GPBP1L1: variants seen among roughly 807,000 people sequenced by gnomAD.
GPBP1L1 encodes the protein GC-rich promoter binding protein 1 like 1, also known as vasculin-like protein 1.
Under a neutral mutation model 52.5 loss-of-function variants are expected in GPBP1L1, and 23 were observed. The ratio of observed to expected loss-of-function variants is 0.44; its 90% CI spans 0.32 to 0.62. The LOEUF is 0.62. GPBP1L1 is among the 20% of genes least tolerant of loss of function. The probability of loss-of-function intolerance (pLI) is 0.06; values close to 1 mark genes in which losing one functional copy is unlikely to be tolerated. For synonymous variants in GPBP1L1, 243 were observed against 203.1 expected (o/e 1.20, Z -1.67); for missense variants, 596 against 579.3 (o/e 1.03, Z -0.30).
chr1:45,664,281 A>G (rs563963859), intron 2 of GPBP1L1, among the ~76,000 whole-genome samples: 1 of 148,858 alleles, frequency 6.7e-6, no homozygotes, highest in Non-Finnish European at 1.5e-5. Context: ...GATCGTTGCC[A>G]CTGCACTCCA....
At chr1:45,642,304 G>A (rs1644684576) in intron 7 of GPBP1L1, 123 bp downstream of exon 7, 1 of 713,332 alleles carries the variant, frequency 1.4e-6, no homozygotes, top group South Asian at 1.7e-5. Context: ...TCAGATGTTA[G>A]TTACCATGGG....
chr1:45,630,469 C>A lies in GPBP1L1; in HGVS notation c.1169+13G>T, dbSNP rs376227602. ...TCAGACACTGCATGCCCTGTGATGT[C>A]CTCCTCACTTACCTGTGCTCTGCTT... On this transcript the variant is annotated intron_variant, in intron 11 of 12. Transcript: ENST00000355105. 62 of 1,613,270 alleles carry A rather than the reference C, an allele frequency of 3.8e-5. No individual in the cohort carries two copies. Among genetic ancestry groups the A allele is most frequent in the Non-Finnish European group, 5.2e-5 (61 of 1,179,572 alleles).
chr1:45,673,303 G>A (rs1405642479), intron 2 of GPBP1L1, among the ~76,000 whole-genome samples: 1 of 152,194 alleles, frequency 6.6e-6, no homozygotes, highest in Non-Finnish European at 1.5e-5. Flanking sequence ...GTATGGGTAG[G>A]TGCAGAGGAG....
intron 10 of GPBP1L1, among the ~76,000 whole-genome samples, chr1:45,632,899 A>G (rs1644548370): frequency 6.6e-6 from 1 of 152,212 alleles, no homozygotes; most frequent in African/African-American, 2.4e-5. Flanking sequence ...GAACAAACAC[A>G]TCAACAAAGA....
At chr1:45,656,937 C>T (rs1420958411) in intron 4 of GPBP1L1, among the ~76,000 whole-genome samples, 1 of 152,130 alleles carries the variant, frequency 6.6e-6, no homozygotes, top group Non-Finnish European at 1.5e-5. Flanking sequence ...CCTTCTGCCT[C>T]AGCCTCTCAA....
At chr1:45,651,856 T>C in intron 6 of GPBP1L1, 2 of 233,242 alleles carry the variant, frequency 8.6e-6, no homozygotes, top group Non-Finnish European at 1.7e-5. Context: ...AGAAATCTTA[T>C]TTTTGACTCT....
chr1:45,660,028 T>C (rs1644930276), intron 3 of GPBP1L1, among the ~76,000 whole-genome samples, 156 bp downstream of exon 3: 1 of 152,196 alleles, frequency 6.6e-6, no homozygotes, highest in Admixed American at 6.5e-5. Context: ...TTTCTTCAAA[T>C]ACCAACTAGC....
At chr1:45,660,119 G>C in intron 3 of GPBP1L1, 65 bp downstream of exon 3, 1 of 887,812 alleles carries the variant, frequency 1.1e-6, no homozygotes, top group Non-Finnish European at 1.3e-6. Flanking sequence ...GAAAGCAGTC[G>C]GTATTTTTCA....
intron 4 of GPBP1L1, 33 bp downstream of exon 4, chr1:45,658,995 T>G: frequency 7.0e-7 from 1 of 1,428,510 alleles, no homozygotes; most frequent in Non-Finnish European, 9.9e-7. Flanking sequence ...CCTCTCATAT[T>G]TGAGAAGTTA....
At position 45,680,547 on chromosome 1, in the gene GPBP1L1, CTTT is replaced by C; in HGVS notation, c.-1098+5026_-1098+5028del. Among the ~76,000 whole-genome samples the C allele has an allele frequency of 4.7e-5, 7 of 149,126 alleles. 1 individual carries two copies. Among genetic ancestry groups the C allele is most frequent in the South Asian group, 2.1e-4 (1 of 4,718 alleles). ...AGCCACCATGACCAGCTGAGACATA[CTTT>C]TTTTTTTTAAAAAGAATCATTTAAA... On this transcript the variant is annotated intron_variant, in intron 2 of 12. Transcript: ENST00000355105.
chr1:45,632,947 T>C (rs1307257539), intron 10 of GPBP1L1, among the ~76,000 whole-genome samples: 2 of 152,206 alleles, frequency 1.3e-5, no homozygotes, highest in African/African-American at 4.8e-5. Flanking sequence ...TATGTCATCA[T>C]GGAAGTGCAA....
chr1:45,631,855 G>GT (rs1332901777), intron 10 of GPBP1L1, among the ~76,000 whole-genome samples: 1 of 152,172 alleles, frequency 6.6e-6, no homozygotes, highest in Non-Finnish European at 1.5e-5. Flanking sequence ...GGGAGGTCGA[G>GT]GCTGCAGTGA....
intron 6 of GPBP1L1, among the ~76,000 whole-genome samples, chr1:45,647,230 G>T (rs1209690933): frequency 1.4e-5 from 2 of 147,048 alleles, no homozygotes; most frequent in Admixed American, 7.0e-5. Context: ...GAGTGCAATG[G>T]TGCGATCTTG....
rs1644500213 is a variant in GPBP1L1 at position 45,629,456 on chromosome 1, C to CCCG, written c.1272+119_1272+120insCGG. The CCCG allele has an allele frequency of 3.7e-4, 33 of 88,142 alleles. 1 individual carries two copies. The highest frequency in any genetic ancestry group is 7.0e-3 in the Middle Eastern group (2 of 286). 5.5% of individuals were successfully genotyped at this position (88,142 alleles called of 1,614,324 possible). Reference sequence around the variant, plus strand: ...CCACTACATTTCTACTAAGGTAATCCCCCCCCCCCCCACCCGATCTTTCTC... The same window carrying CCCG: ...CCACTACATTTCTACTAAGGTAATCCCCGCCCCCCCCCCCACCCGATCTTTCTC... On this transcript the variant is annotated intron_variant, in intron 12 of 12. Transcript: ENST00000355105.
chr1:45,660,385 G>T lies in GPBP1L1; in HGVS notation c.-257C>A. On this transcript the variant is annotated 5_prime_UTR_variant, in exon 3 of 13. Coordinates refer to ENST00000355105, the MANE Select transcript of GPBP1L1 (RefSeq NM_021639.5). ...TCTTAAACTATTTGGTTCCTGACAC[G>T]TTTCCAAAAGGGGAAAGGGGAAAAG... is the stretch of plus-strand genomic sequence containing the variant. The T allele has an allele frequency of 1.0e-6, 1 of 983,258 alleles. No individual in the cohort carries two copies. The allele number at this position is 983,258 out of a possible 1,614,324, so 60.9% of individuals were successfully genotyped here. A position where few individuals can be genotyped will look rare whatever the true frequency, so the allele number is the denominator to read the frequency against.
intron 5 of GPBP1L1, 97 bp from the exon 6 acceptor site, chr1:45,654,926 G>T: frequency 8.1e-7 from 1 of 1,232,252 alleles, no homozygotes; most frequent in Non-Finnish European, 1.1e-6. Flanking sequence ...TTAATAAAAA[G>T]TCCACACAAA....
intron 6 of GPBP1L1, among the ~76,000 whole-genome samples, chr1:45,645,217 G>A (rs1644728574): frequency 6.6e-6 from 1 of 152,150 alleles, no homozygotes; most frequent in African/African-American, 2.4e-5. Context: ...AGGCAGTAGA[G>A]CCACTCATTG....
intron 2 of GPBP1L1, among the ~76,000 whole-genome samples, chr1:45,672,070 A>G (rs1645079733): frequency 6.6e-6 from 1 of 152,088 alleles, no homozygotes; most frequent in East Asian, 1.9e-4. Flanking sequence ...CTTTTTAAAA[A>G]GATTTATTCA....
intron 2 of GPBP1L1, among the ~76,000 whole-genome samples, chr1:45,683,647 A>C (rs1645240077): frequency 6.7e-6 from 1 of 148,518 alleles, no homozygotes; most frequent in Admixed American, 6.7e-5. Context: ...GGCCAAAGTG[A>C]GCAGATTGCT....
Sources: gnomAD v4.1 joint callset for allele counts (sites outside exome capture counted in the v4.1 genomes callset) on GRCh38, gnomAD v4.1.1 for gene constraint, MANE v1.5 for transcripts, NCBI Gene and HGNC (gene_info 2026-07-23, HGNC 2026-07-21) for gene names.